The following IPO11 variants were observed in gnomAD, a reference collection of about 807,000 sequenced individuals.
IPO11 encodes importin 11.
Under a neutral mutation model 143.2 loss-of-function variants are expected in IPO11, and 66 were observed. The ratio of observed to expected loss-of-function variants is 0.46; its 90% CI spans 0.38 to 0.57. The LOEUF (loss-of-function observed/expected upper bound fraction) is 0.57, where lower values mean the gene tolerates loss of function less well. Among genes scored for constraint, IPO11 ranks in the 20% least tolerant of loss-of-function variants. The pLI, the probability that IPO11 is intolerant of heterozygous loss-of-function variation, is 0.00. For synonymous variants in IPO11, 385 were observed against 377.8 expected (o/e 1.02, Z -0.22); for missense variants, 1,026 against 1,141.0 (o/e 0.90, Z 1.45).
At chr5:62,511,858 A>G (rs1741757874) in intron 19 of IPO11, among the ~76,000 whole-genome samples, 1 of 151,758 alleles carries the variant, frequency 6.6e-6, no homozygotes, top group African/African-American at 2.4e-5. Context: ...ACACTGAAAC[A>G]TAAATCCACA....
At chr5:62,491,888 T>C (rs1746624311) in intron 15 of IPO11, among the ~76,000 whole-genome samples, 1 of 152,086 alleles carries the variant, frequency 6.6e-6, no homozygotes, top group African/African-American at 2.4e-5. Flanking sequence ...GCCAGGATGA[T>C]CTCGATCTCC....
chr5:62,542,325 A>G (rs1340879497), intron 24 of IPO11, among the ~76,000 whole-genome samples: 1 of 152,116 alleles, frequency 6.6e-6, no homozygotes, highest in East Asian at 1.9e-4. Context: ...TATGTTCATT[A>G]TGAATAAATT....
At chr5:62,591,707 TGG>T (rs1205948787) in intron 28 of IPO11, 35 bp downstream of exon 28, 1 of 1,366,498 alleles carries the variant, frequency 7.3e-7, no homozygotes, top group Non-Finnish European at 1.0e-6. Context: ...TAATTGGACT[TGG>T]GGGATAATTA....
At chr5:62,554,461 G>A (rs1421564887) in intron 26 of IPO11, among the ~76,000 whole-genome samples, 1 of 152,056 alleles carries the variant, frequency 6.6e-6, no homozygotes, top group African/African-American at 2.4e-5. Context: ...TGTATATCAC[G>A]AGAGGTAGGG....
intron 28 of IPO11, among the ~76,000 whole-genome samples, chr5:62,593,520 G>A (rs1012328113): frequency 5.3e-5 from 8 of 152,100 alleles, no homozygotes; most frequent in Non-Finnish European, 7.4e-5. Context: ...AAAGTGGAGT[G>A]ACACAGCAGA....
chr5:62,568,771 G>A (rs188397800), intron 27 of IPO11, among the ~76,000 whole-genome samples: 5 of 152,184 alleles, frequency 3.3e-5, no homozygotes, highest in Non-Finnish European at 7.4e-5. Context: ...TATGAAATGA[G>A]ATCATATTTA....
rs1467124764 is a variant in IPO11, at chr5:62,458,933, A to G, written c.516+7000A>G. Among the ~76,000 whole-genome samples the G allele has an allele frequency of 2.6e-5, 4 of 152,294 alleles. No homozygotes were observed. In the East Asian group the frequency reaches 5.8e-4, roughly 22 times the overall value. ...AAAATTCCAAAACTATCCCCCAAGT[A>G]TCTAAAAGTTGCTTTTGAAACAGTG... On this transcript the variant is annotated intron_variant, in intron 5 of 29. Coordinates refer to ENST00000325324, the MANE Select transcript of IPO11 (RefSeq NM_016338.5).
intron 1 of IPO11, among the ~76,000 whole-genome samples, chr5:62,433,153 GT>G (rs960866638): frequency 6.5e-4 from 95 of 147,222 alleles, no homozygotes; most frequent in Non-Finnish European, 4.8e-4. Flanking sequence ...TTTGTTTTTT[GT>G]TTTTTTTTTA....
chr5:62,620,333 C>G (rs1746302087), intron 29 of IPO11, among the ~76,000 whole-genome samples: 1 of 152,086 alleles, frequency 6.6e-6, no homozygotes, highest in Non-Finnish European at 1.5e-5. Flanking sequence ...TTCTGGCTAA[C>G]ACGGTGAAAC....
chr5:62,556,508 G>T (rs1177718582), intron 26 of IPO11, among the ~76,000 whole-genome samples: 1 of 152,030 alleles, frequency 6.6e-6, no homozygotes, highest in Non-Finnish European at 1.5e-5. Context: ...AGAAGTCTAG[G>T]TGAGAGGATT....
chr5:62,523,766 A>G (rs1580281719), intron 20 of IPO11, among the ~76,000 whole-genome samples: 1 of 152,174 alleles, frequency 6.6e-6, no homozygotes, highest in Non-Finnish European at 1.5e-5. Flanking sequence ...CTGGCTGATA[A>G]TGTGCTGTAG....
chr5:62,489,191 T>C, intron 13 of IPO11, 111 bp from the exon 14 acceptor site: 1 of 550,558 alleles, frequency 1.8e-6, no homozygotes. Flanking sequence ...CCATGAAATG[T>C]GTTATACTTA....
intron 29 of IPO11, among the ~76,000 whole-genome samples, chr5:62,602,354 C>A (rs930360011): frequency 2.0e-5 from 3 of 152,060 alleles, no homozygotes; most frequent in Non-Finnish European, 4.4e-5. Context: ...TCTAAAATAT[C>A]TTGCCTTTTA....
At chr5:62,616,675 G>A (rs946289005) in intron 29 of IPO11, among the ~76,000 whole-genome samples, 2 of 142,648 alleles carry the variant, frequency 1.4e-5, no homozygotes, top group East Asian at 2.0e-4. Context: ...AGCTGAGGCT[G>A]TGCCCCTGCA....
At chr5:62,618,496 A>T (rs926750984) in intron 29 of IPO11, among the ~76,000 whole-genome samples, 1 of 152,182 alleles carries the variant, frequency 6.6e-6, no homozygotes, top group African/African-American at 2.4e-5. Context: ...AAAATTGATG[A>T]ATAAGTATTG....
intron 1 of IPO11, among the ~76,000 whole-genome samples, chr5:62,419,953 A>G (rs1361799965): frequency 1.3e-5 from 2 of 152,138 alleles, no homozygotes; most frequent in African/African-American, 4.8e-5. Flanking sequence ...GTGAATTATG[A>G]TGCCGGCATT....
chr5:62,565,688 A>G (rs937862674), intron 27 of IPO11, among the ~76,000 whole-genome samples: 5 of 152,082 alleles, frequency 3.3e-5, no homozygotes, highest in African/African-American at 9.7e-5. Flanking sequence ...CCAGGATACA[A>G]ATACAGAACG....
chr5:62,492,782 C>T (rs1391690098), intron 15 of IPO11, among the ~76,000 whole-genome samples: 1 of 152,150 alleles, frequency 6.6e-6, no homozygotes, highest in Non-Finnish European at 1.5e-5. Flanking sequence ...AAGCCATCTG[C>T]CCACCTCAGC....
rs894802883 is a variant in IPO11 at position 62,527,379 on chromosome 5, G to C, written c.2012+1122G>C. ...TGCTGTCAGTGTCAAAACAGTCATA[G>C]ACAATATGTAAGTAGGTATGGCTGT... is the stretch of plus-strand genomic sequence containing the variant. On this transcript the variant is annotated intron_variant, in intron 21 of 29. Coordinates refer to ENST00000325324, the MANE Select transcript of IPO11 (RefSeq NM_016338.5). Among the ~76,000 whole-genome samples the C allele has an allele frequency of 2.6e-5, 4 of 152,162 alleles. No homozygotes were observed. In the South Asian group the frequency reaches 8.3e-4, roughly 31 times the overall value.
Sources: allele counts gnomAD v4.1 joint callset (sites outside exome capture counted in the v4.1 genomes callset), GRCh38; gene constraint gnomAD v4.1.1; transcripts MANE v1.5; gene names NCBI Gene and HGNC (gene_info 2026-07-23, HGNC 2026-07-21).